The following PRDM13 variants were observed in gnomAD, a reference collection of about 807,000 sequenced individuals.
PRDM13 encodes PR domain zinc finger protein 13.
Under a neutral mutation model 36.4 loss-of-function variants are expected in PRDM13, and 15 were observed. The observed-to-expected ratio is 0.41, with a 90% CI of 0.28 to 0.64. The LOEUF is 0.64. Among genes scored for constraint, PRDM13 ranks in the 30% least tolerant of loss-of-function variants. PRDM13 has a pLI of 0.29. For missense variants in PRDM13, 1,044 were observed against 1,013.5 expected, an observed-to-expected ratio of 1.03 and a Z score of -0.41; for synonymous variants, 531 against 467.7, an observed-to-expected ratio of 1.14 and a Z score of -1.75.
intron 3 of PRDM13, among the ~76,000 whole-genome samples, chr6:99,611,898 G>A (rs1770036795): frequency 6.6e-6 from 1 of 152,048 alleles, no homozygotes. Flanking sequence ...AAACCCAACT[G>A]CAAGATCATT....
rs73500740 is a variant in PRDM13 at position 99,609,925 on chromosome 6, A to G, written c.397+618A>G. On this transcript the variant is annotated intron_variant, in intron 3 of 3. Coordinates refer to ENST00000369215, the MANE Select transcript of PRDM13 (RefSeq NM_021620.4). ...AAATAAAAAATAAAAAAGGAGCCTT[A>G]AGTTGTTGTTACAGTAATTACATCA... Among the ~76,000 whole-genome samples, 204 of 152,266 alleles carry G rather than the reference A, an allele frequency of 1.3e-3. 1 individual carries two copies. The highest frequency in any genetic ancestry group is 4.7e-3 in the African/African-American group (195 of 41,526).
At position 99,613,794 on chromosome 6, in the gene PRDM13, C is replaced by T. The variant is rs757934187; in HGVS notation, c.1159C>T (p.Arg387Cys). 43 of 1,507,856 alleles carry T rather than the reference C, an allele frequency of 2.9e-5. No individual in the cohort carries two copies. The East Asian group carries it at 3.2e-4, about 11-fold the overall frequency. The allele number at this position is 1,507,856 out of a possible 1,614,324, so 93.4% of individuals were successfully genotyped here. A position where few individuals can be genotyped will look rare whatever the true frequency, so the allele number is the denominator to read the frequency against. ...PPGLPCSGAL[R>C]GFPLLSVPPE... is the part of the protein sequence containing the mutation. ...TGGCCTGCCCTGCTCTGGGGCCCTGCGCGGCTTCCCTCTGCTCTCCGTCCC... is the reference window on the plus strand; with the variant it reads ...TGGCCTGCCCTGCTCTGGGGCCCTGTGCGGCTTCCCTCTGCTCTCCGTCCC... The change falls in exon 4 of 4, where the codon CGC becomes TGC. Residue 387 changes from arginine to cysteine, a missense_variant. By Grantham distance (180) the Arg-to-Cys change is radical. Coordinates refer to ENST00000369215, the MANE Select transcript of PRDM13 (RefSeq NM_021620.4). This position sits in a 1 kb window ranked among gnomAD's most constrained non-coding sequence, Gnocchi z 6.1.
Position 99,614,176 on chromosome 6 carries a change from C to A in PRDM13, c.1541C>A (p.Ser514Ter). 6.2e-7 allele frequency: 1 copy of A among 1,602,260 alleles called. No individual in the cohort carries two copies. The highest frequency in any genetic ancestry group is 1.1e-5 in the South Asian group (1 of 90,662). The change falls in exon 4 of 4, where the codon TCG (serine) becomes TAG (stop). Residue 514 changes from serine to a stop codon, truncating the protein, a stop_gained. Coordinates refer to ENST00000369215, the MANE Select transcript of PRDM13 (RefSeq NM_021620.4). LOFTEE classifies it high-confidence loss of function. Reference sequence around the variant, plus strand: ...GCCCTAAGCCCCGCCGAGCTGGGGTCGCTGGCCAGCATCGACCGAGAGATC... The same window carrying A: ...GCCCTAAGCCCCGCCGAGCTGGGGTAGCTGGCCAGCATCGACCGAGAGATC... ...AAALSPAELG[S>*]LASIDREIAM...
chr6:99,609,434 G>A lies in PRDM13; in HGVS notation c.397+127G>A, dbSNP rs577753800. 61 of 1,333,374 alleles carry A rather than the reference G, an allele frequency of 4.6e-5. 1 individual carries two copies. The Admixed American group carries it at 1.0e-3, about 22-fold the overall frequency. 82.6% of individuals were successfully genotyped at this position (1,333,374 alleles called of 1,614,324 possible). A position where few individuals can be genotyped will look rare whatever the true frequency, so the allele number is the denominator to read the frequency against. On this transcript the variant is annotated intron_variant, in intron 3 of 3. Coordinates refer to ENST00000369215, the MANE Select transcript of PRDM13 (RefSeq NM_021620.4). The stretch of plus-strand genomic sequence containing the variant: ...CATTCCCTGTATTTCAAGGCAAAGA[G>A]GAGAGAGGTCGCCACTACCTCCTTA...
chr6:99,609,382 A>T (rs1470831114), intron 3 of PRDM13, 75 bp downstream of exon 3: 1 of 1,535,032 alleles, frequency 6.5e-7, no homozygotes, highest in African/African-American at 1.4e-5. Context: ...CCCTAGACAT[A>T]GCTCGATCTA....
intron 2 of PRDM13, 60 bp downstream of exon 2, chr6:99,608,932 C>G: frequency 6.4e-7 from 1 of 1,572,308 alleles, no homozygotes; most frequent in African/African-American, 1.4e-5. Context: ...TCTACCTAAC[C>G]GTCCCTGCGG....
rs570367782 is a variant in PRDM13, at chr6:99,607,045, C to T, written c.11C>T (p.Ala4Val). 9 of 1,610,234 alleles carry T rather than the reference C, an allele frequency of 5.6e-6. No homozygotes were observed. The highest frequency in any genetic ancestry group is 2.7e-5 in the African/African-American group (2 of 74,956). ...GTGGCGGCGGCAACAATGCACGGAGCCGCCAGAGCGCCAGCCACCAGCGTG... is the reference window on the plus strand; with the variant it reads ...GTGGCGGCGGCAACAATGCACGGAGTCGCCAGAGCGCCAGCCACCAGCGTG... Reference protein sequence around the residue: MHGAARAPATSVSA... With the variant: MHGVARAPATSVSA... The change falls in exon 1 of 4, where the codon GCC becomes GTC. Residue 4 changes from alanine (A) to valine (V), a missense_variant. This residue lies in a region of PRDM13 where 921 missense variants were observed against 865.2 expected (regional missense o/e 1.06). Coordinates refer to ENST00000369215, the MANE Select transcript of PRDM13 (RefSeq NM_021620.4).
rs376804889 is a variant in PRDM13 at position 99,613,934 on chromosome 6, C to G, written c.1299C>G (p.Arg433=). The change falls in exon 4 of 4, where the codon CGC becomes CGG. Residue 433 remains arginine, a synonymous_variant. Transcript: ENST00000369215. This position sits in a 1 kb window ranked among gnomAD's most constrained non-coding sequence, Gnocchi z 6.1. ...CTGCGCCGGGGTTGCCCCTCGAGCG[C>G]TGCGCGCTGCCGCCCCTCGACCCGG... ...LPPAPGLPLE[R]CALPPLDPGG... is the part of the protein sequence containing the mutation. 12 of 1,588,478 alleles carry G rather than the reference C, an allele frequency of 7.6e-6. No individual in the cohort carries two copies. The Admixed American group carries it at 1.1e-4, about 14-fold the overall frequency.
chr6:99,614,706 A>G lies in PRDM13; in HGVS notation c.2071A>G (p.Thr691Ala). 6.2e-7 allele frequency: 1 copy of G among 1,605,192 alleles called. No homozygotes were observed. The highest frequency in any genetic ancestry group is 1.1e-5 in the South Asian group (1 of 90,472). Reference protein sequence around the residue: ...SDDSDVDVCFTDDQSDPEVGG... With the variant: ...SDDSDVDVCFADDQSDPEVGG... ...CGACAGTGACGTGGACGTCTGCTTC[A>G]CAGACGACCAGAGCGACCCCGAGGT... The change falls in exon 4 of 4, where the codon ACA becomes GCA. Residue 691 changes from threonine to alanine, a missense_variant. By Grantham distance (58) the Thr-to-Ala change is moderately conservative. Transcript: ENST00000369215.
At chr6:99,609,519 A>G (rs1407724770) in intron 3 of PRDM13, among the ~76,000 whole-genome samples, 2 of 152,160 alleles carry the variant, frequency 1.3e-5, no homozygotes, top group Non-Finnish European at 2.9e-5. Context: ...GCAGGGGAAA[A>G]AGTAGGCTCT....
At chr6:99,608,980 C>T in intron 2 of PRDM13, 108 bp downstream of exon 2, 4 of 1,460,028 alleles carry the variant, frequency 2.7e-6, no homozygotes, top group Non-Finnish European at 3.7e-6. Context: ...TTTAGCTAGA[C>T]GTCTCATTTA....
At chr6:99,608,378 C>T (rs985259379) in intron 1 of PRDM13, among the ~76,000 whole-genome samples, 2 of 152,120 alleles carry the variant, frequency 1.3e-5, no homozygotes, top group African/African-American at 2.4e-5. Context: ...CTAGAAATGT[C>T]TCTACCGTGG....
chr6:99,613,352 G>T lies in PRDM13; in HGVS notation c.717G>T (p.Ser239=). 1 of 1,547,986 alleles carries T rather than the reference G, an allele frequency of 6.5e-7. No individual in the cohort carries two copies. The highest frequency in any genetic ancestry group is 1.7e-4 in the Middle Eastern group (1 of 5,916). ...REASSAPSAT[S]PTPGKWGQPK... ...CCTCTTCCGCGCCCTCGGCCACCTC[G>T]CCGACCCCAGGCAAGTGGGGGCAGC... Residue 239 remains serine, a synonymous_variant, in exon 4 of 4, where the codon TCG becomes TCT. Transcript: ENST00000369215. This position sits in a 1 kb window ranked among gnomAD's most constrained non-coding sequence, Gnocchi z 6.1.
chr6:99,607,743 G>T (rs1240004321), intron 1 of PRDM13, among the ~76,000 whole-genome samples: 5 of 152,204 alleles, frequency 3.3e-5, no homozygotes, highest in Non-Finnish European at 7.3e-5. Flanking sequence ...ATGGAGAGAG[G>T]ATGAGCAAGG....
At position 99,613,271 on chromosome 6, in the gene PRDM13, C is replaced by A. The variant is rs775515947; in HGVS notation, c.636C>A (p.Pro212=). The A allele has an allele frequency of 1.3e-6, 2 of 1,595,880 alleles. No homozygotes were observed. The highest frequency in any genetic ancestry group is 1.3e-5 in the African/African-American group (1 of 74,534). ...PSQAGTLRPH[P]LGPPPVQACG... is the part of the protein sequence containing the mutation. ...AGGCAGGAACTTTGCGACCCCACCC[C>A]CTGGGCCCGCCACCAGTTCAGGCCT... is the stretch of plus-strand genomic sequence containing the variant. The change falls in exon 4 of 4, where the codon CCC becomes CCA. Residue 212 remains proline, a synonymous_variant. Transcript: ENST00000369215. This position sits in a 1 kb window ranked among gnomAD's most constrained non-coding sequence, Gnocchi z 6.1.
At position 99,613,893 on chromosome 6, in the gene PRDM13, T is replaced by C; in HGVS notation, c.1258T>C (p.Tyr420His). The C allele has an allele frequency of 6.4e-7, 1 of 1,564,600 alleles. No homozygotes were observed. ...AGCCGCCGCGCTGCCAGGAGCGCGTTATGCGCAGCTGCCCCCTGCGCCGGG... is the reference window on the plus strand; with the variant it reads ...AGCCGCCGCGCTGCCAGGAGCGCGTCATGCGCAGCTGCCCCCTGCGCCGGG... ...PAAAALPGAR[Y>H]AQLPPAPGLP... The change falls in exon 4 of 4, where the codon TAT becomes CAT. Residue 420 changes from tyrosine (Y) to histidine (H), a missense_variant. By Grantham distance (83) the Tyr-to-His change is moderately conservative. Coordinates refer to ENST00000369215, the MANE Select transcript of PRDM13 (RefSeq NM_021620.4). The surrounding 1 kb of genome is among the most constrained non-coding windows in gnomAD (Gnocchi z 6.1).
chr6:99,607,360 G>C (rs1426220542), intron 1 of PRDM13, among the ~76,000 whole-genome samples, 182 bp downstream of exon 1: 2 of 152,154 alleles, frequency 1.3e-5, no homozygotes, highest in African/African-American at 4.8e-5. Flanking sequence ...AGCTGGACGG[G>C]GTCGGGCTGA....
chr6:99,612,072 C>T (rs1198426735), intron 3 of PRDM13, among the ~76,000 whole-genome samples: 1 of 152,140 alleles, frequency 6.6e-6, no homozygotes, highest in Non-Finnish European at 1.5e-5. Flanking sequence ...ACACCAAACA[C>T]GTATATAGTG....
intron 3 of PRDM13, among the ~76,000 whole-genome samples, chr6:99,612,536 T>C (rs895286971): frequency 6.6e-6 from 1 of 152,188 alleles, no homozygotes; most frequent in African/African-American, 2.4e-5. Flanking sequence ...TGATTACATA[T>C]GGCCTATACA....
Sources: allele counts gnomAD v4.1 joint callset (sites outside exome capture counted in the v4.1 genomes callset), GRCh38; gene constraint gnomAD v4.1.1; regional missense constraint gnomAD v4.1.1; non-coding constraint Gnocchi (gnomAD v3.1); transcripts MANE v1.5; gene names NCBI Gene and HGNC (gene_info 2026-07-23, HGNC 2026-07-21).